ST3GAL6: variants seen among roughly 807,000 people sequenced by gnomAD.
The protein encoded by ST3GAL6 is type 2 lactosamine alpha-2,3-sialyltransferase.
In ST3GAL6, 31 loss-of-function variants were observed where a neutral mutation model predicts 40.5. The ratio of observed to expected loss-of-function variants is 0.77; its 90% CI spans 0.58 to 1.03. ST3GAL6 has a LOEUF of 1.03. ST3GAL6 is among the 50% of genes least tolerant of loss of function. The pLI is 0.00. For missense variants in ST3GAL6, 357 were observed against 393.2 expected, an observed-to-expected ratio of 0.91 and a Z score of 0.78; for synonymous variants, 129 against 136.9, an observed-to-expected ratio of 0.94 and a Z score of 0.40.
chr3:98,792,034 C>T, intron 9 of ST3GAL6, 41 bp downstream of exon 9: 1 of 1,490,476 alleles, frequency 6.7e-7, no homozygotes, highest in South Asian at 1.4e-5. Context: ...ATGCTTTGGA[C>T]TAATCTTTGA....
chr3:98,734,797 G>A (rs1009315349), intron 1 of ST3GAL6, among the ~76,000 whole-genome samples: 3 of 152,166 alleles, frequency 2.0e-5, no homozygotes, highest in Non-Finnish European at 4.4e-5. Flanking sequence ...ATTGTAAATC[G>A]TAGGTGTTCT....
chr3:98,767,718 C>T (rs1938513419), intron 1 of ST3GAL6, among the ~76,000 whole-genome samples: 1 of 152,094 alleles, frequency 6.6e-6, no homozygotes, highest in African/African-American at 2.4e-5. Context: ...AAAATATATT[C>T]TATAAAGGCT....
intron 5 of ST3GAL6, among the ~76,000 whole-genome samples, chr3:98,774,434 T>A (rs1204078022): frequency 6.6e-6 from 1 of 152,158 alleles, no homozygotes. Flanking sequence ...TAATCAGAAT[T>A]ACATTTGAAG....
In ST3GAL6 at chr3:98,788,435, A is replaced by G. The variant is rs375615700; in HGVS notation, c.728A>G (p.His243Arg). 13 of 1,609,136 alleles carry G rather than the reference A, an allele frequency of 8.1e-6. No homozygotes were observed. Among genetic ancestry groups the G allele is most frequent in the Middle Eastern group, 1.7e-4 (1 of 6,042 alleles). Residue 243 changes from histidine (H) to arginine (R), a missense_variant, in exon 8 of 10, where the codon CAT (histidine) becomes CGT (arginine). By Grantham distance (29) the His-to-Arg change is conservative (BLOSUM62 0). Transcript: ENST00000483910. ...IIRTAAYELLHFPKVFPKNQK... is the reference protein window; with the variant it reads ...IIRTAAYELLRFPKVFPKNQK... ...AGAACAGCAGCTTATGAACTGCTTC[A>G]TTTTCCAAAAGTGTTTCCCAAAAAT...
chr3:98,735,188 C>A (rs895095326), intron 1 of ST3GAL6, among the ~76,000 whole-genome samples: 2 of 152,182 alleles, frequency 1.3e-5, no homozygotes, highest in African/African-American at 2.4e-5. Context: ...GCTTAAAAAA[C>A]CAAGATTGCC....
intron 1 of ST3GAL6, among the ~76,000 whole-genome samples, chr3:98,766,405 C>CCT (rs1938333965): frequency 9.6e-6 from 1 of 104,104 alleles, no homozygotes; most frequent in African/African-American, 4.1e-5. Context: ...AAATGTCATT[C>CCT]TTTTTTTTTT....
At chr3:98,779,519 G>T (rs955013473) in intron 5 of ST3GAL6, among the ~76,000 whole-genome samples, 1 of 152,204 alleles carries the variant, frequency 6.6e-6, no homozygotes, top group East Asian at 1.9e-4. Context: ...AAAAGCATTT[G>T]TAAAATAAAA....
At chr3:98,763,296 G>A (rs1937979648), upstream of ST3GAL6, 3 of 1,284,198 alleles carry the variant, frequency 2.3e-6, no homozygotes, top group South Asian at 3.7e-5. Flanking sequence ...AAGGCAGGAT[G>A]TGAAATCTGT....
upstream of ST3GAL6, among the ~76,000 whole-genome samples, chr3:98,758,602 A>G (rs1041942940): frequency 1.4e-4 from 22 of 152,226 alleles, no homozygotes; most frequent in Admixed American, 1.4e-3. Flanking sequence ...TCAAAAGCAG[A>G]TGAGTAAAGC....
chr3:98,741,726 G>A (rs1055057786), intron 1 of ST3GAL6, among the ~76,000 whole-genome samples: 1 of 152,150 alleles, frequency 6.6e-6, no homozygotes, highest in African/African-American at 2.4e-5. Context: ...TCTACATGTT[G>A]CTTCTAAATT....
chr3:98,762,482 G>GT (rs1422883872), upstream of ST3GAL6, among the ~76,000 whole-genome samples: 17 of 152,206 alleles, frequency 1.1e-4, no homozygotes, highest in Middle Eastern at 3.4e-3. Flanking sequence ...TATATGTGCT[G>GT]TTTTTTATTT....
chr3:98,783,615 C>T, intron 5 of ST3GAL6: 11 of 985,054 alleles, frequency 1.1e-5, no homozygotes, highest in Non-Finnish European at 1.3e-5. Context: ...AATGAACAAA[C>T]AGACCCTTCT....
At chr3:98,771,169 A>G in intron 3 of ST3GAL6, 1 of 1,477,528 alleles carries the variant, frequency 6.8e-7, no homozygotes, top group East Asian at 2.8e-5. Context: ...AACTCAATCA[A>G]ACCAGTATTC....
intron 5 of ST3GAL6, among the ~76,000 whole-genome samples, chr3:98,781,931 A>T (rs1559749671): frequency 6.6e-6 from 1 of 152,156 alleles, no homozygotes; most frequent in Non-Finnish European, 1.5e-5. Flanking sequence ...GTAGCCTCTG[A>T]TCTGAATTAA....
upstream of ST3GAL6, among the ~76,000 whole-genome samples, chr3:98,761,534 CG>C (rs1559734338): frequency 6.6e-6 from 1 of 150,674 alleles, no homozygotes; most frequent in African/African-American, 2.4e-5. Context: ...TGCTTGAACC[CG>C]GGTGGTGGAG....
chr3:98,734,139 C>A (rs549855892), intron 1 of ST3GAL6, among the ~76,000 whole-genome samples: 2 of 152,284 alleles, frequency 1.3e-5, no homozygotes, highest in South Asian at 4.2e-4. Flanking sequence ...ACTTTCCGGT[C>A]CTCAATCTTC....
At chr3:98,744,051 T>C (rs1936348852) in intron 1 of ST3GAL6, among the ~76,000 whole-genome samples, 1 of 152,126 alleles carries the variant, frequency 6.6e-6, no homozygotes. Context: ...ATGATTAGTG[T>C]CCAGGTGAAG....
At chr3:98,766,028 A>G (rs994852265) in intron 1 of ST3GAL6, among the ~76,000 whole-genome samples, 6 of 152,184 alleles carry the variant, frequency 3.9e-5, no homozygotes, top group African/African-American at 7.2e-5. Flanking sequence ...TGAATTGTAC[A>G]TGAAATACGA....
chr3:98,758,479 T>G (rs1576064628), upstream of ST3GAL6, among the ~76,000 whole-genome samples: 1 of 152,328 alleles, frequency 6.6e-6, no homozygotes, highest in East Asian at 1.9e-4. Context: ...CAGAGCAGTT[T>G]TATTATGAAA....
Sources: allele counts gnomAD v4.1 joint callset (sites outside exome capture counted in the v4.1 genomes callset), GRCh38; gene constraint gnomAD v4.1.1; transcripts MANE v1.5; gene names NCBI Gene and HGNC (gene_info 2026-07-23, HGNC 2026-07-21).